Variants in ANK3 observed in about 807,000 individuals in gnomAD.
ANK3 encodes the protein ankyrin 3, also known as ankyrin-3.
Under a neutral mutation model 370.9 loss-of-function variants are expected in ANK3, and 57 were observed. The ratio of observed to expected loss-of-function variants is 0.15; its 90% CI spans 0.12 to 0.19. The LOEUF is 0.19. ANK3 is among the 10% of genes least tolerant of loss of function. ANK3 has a pLI of 1.00. For synonymous variants in ANK3, 1,929 were observed against 1,946.3 expected (o/e 0.99, Z 0.23); for missense variants, 4,439 against 5,302.1 (o/e 0.84, Z 5.06).
At chr10:60,147,005 G>C (rs1243947443) in intron 23 of ANK3, among the ~76,000 whole-genome samples, 1 of 152,162 alleles carries the variant, frequency 6.6e-6, no homozygotes, top group Non-Finnish European at 1.5e-5. Context: ...ATAGTTGATG[G>C]GAACGTTAGT....
chr10:60,527,853 C>G (rs2076510434), intron 2 of ANK3, among the ~76,000 whole-genome samples: 1 of 152,046 alleles, frequency 6.6e-6, no homozygotes, highest in Non-Finnish European at 1.5e-5. Flanking sequence ...AAGATTAGAG[C>G]CCAAATTCCT....
intron 2 of ANK3, among the ~76,000 whole-genome samples, chr10:60,467,219 C>T (rs2065030878): frequency 2.6e-5 from 4 of 152,150 alleles, no homozygotes; most frequent in Admixed American, 2.6e-4. Context: ...CAGCTTACTA[C>T]CCCTATGAAA....
At chr10:60,712,224 G>A (rs1485212598) in intron 1 of ANK3, among the ~76,000 whole-genome samples, 1 of 152,182 alleles carries the variant, frequency 6.6e-6, no homozygotes, top group Admixed American at 6.5e-5. Flanking sequence ...AGTGATTATA[G>A]TTTATTTGGT....
intron 1 of ANK3, among the ~76,000 whole-genome samples, chr10:60,375,602 G>A (rs1420042081): frequency 2.0e-5 from 3 of 152,180 alleles, no homozygotes; most frequent in East Asian, 1.9e-4. Context: ...AGCAGCTGGA[G>A]CTGCACTGGT....
intron 4 of ANK3, among the ~76,000 whole-genome samples, chr10:60,274,777 C>T (rs535889321): frequency 4.6e-5 from 7 of 152,252 alleles, no homozygotes; most frequent in Admixed American, 4.6e-4. Flanking sequence ...CCCTCTTGTG[C>T]TTAAGTTAGT....
rs186563533 is a variant in ANK3 at position 60,091,874 on chromosome 10, G to A, written c.3329-3516C>T. Among the ~76,000 whole-genome samples the A allele has an allele frequency of 1.6e-4, 24 of 152,120 alleles. No individual in the cohort carries two copies. In the East Asian group the frequency reaches 4.7e-3, roughly 30 times the overall value. ...GCCTCCCGAGTAGCTGGGACTACAG[G>A]CATGCGCCACCATGCCCAGCTAATT... On this transcript the variant is annotated intron_variant, in intron 28 of 43. Transcript: ENST00000280772.
chr10:60,657,512 G>T (rs1348030448), intron 1 of ANK3, among the ~76,000 whole-genome samples: 1 of 152,028 alleles, frequency 6.6e-6, no homozygotes, highest in Non-Finnish European at 1.5e-5. Flanking sequence ...TTAATTTCCA[G>T]GTATTTGGGG....
At chr10:60,512,996 A>G (rs1189818577) in intron 2 of ANK3, among the ~76,000 whole-genome samples, 2 of 152,178 alleles carry the variant, frequency 1.3e-5, no homozygotes, top group East Asian at 3.9e-4. Flanking sequence ...TGAATCATGA[A>G]CAACTTTAAT....
chr10:60,489,712 T>C (rs943304922), intron 2 of ANK3, among the ~76,000 whole-genome samples: 4 of 152,204 alleles, frequency 2.6e-5, no homozygotes, highest in African/African-American at 4.8e-5. Context: ...CATATTTGCA[T>C]AATTTTCTTT....
At chr10:60,617,224 TAGAA>T (rs1161714827) in intron 1 of ANK3, among the ~76,000 whole-genome samples, 1 of 152,186 alleles carries the variant, frequency 6.6e-6, no homozygotes, top group Non-Finnish European at 1.5e-5. Flanking sequence ...CTTCTATGCT[TAGAA>T]AGTTCTTCCT....
chr10:60,062,898 T>C, intron 40 of ANK3: 1 of 385,324 alleles, frequency 2.6e-6, no homozygotes, highest in Non-Finnish European at 4.6e-6. Flanking sequence ...TCATACGTCA[T>C]GATTTATATT....
chr10:60,582,599 C>T (rs1268651143), intron 2 of ANK3, among the ~76,000 whole-genome samples: 1 of 151,308 alleles, frequency 6.6e-6, no homozygotes, highest in African/African-American at 2.4e-5. Flanking sequence ...CTATGTGGCT[C>T]TGGACAAGCC....
chr10:60,240,203 CATATATATACACAT>C (rs1214596210), intron 7 of ANK3, among the ~76,000 whole-genome samples: 1 of 135,212 alleles, frequency 7.4e-6, no homozygotes, highest in Non-Finnish European at 1.5e-5. Context: ...TACACACACA[CATATATATACACAT>C]ATATATATAC....
chr10:60,434,558 C>A (rs566211751), intron 2 of ANK3, among the ~76,000 whole-genome samples: 1 of 152,264 alleles, frequency 6.6e-6, no homozygotes, highest in Admixed American at 6.5e-5. Context: ...ATATAGAGAG[C>A]CTTAAATTCT....
intron 7 of ANK3, among the ~76,000 whole-genome samples, chr10:60,257,152 A>G (rs887971239): frequency 7.9e-5 from 12 of 152,250 alleles, no homozygotes; most frequent in African/African-American, 1.2e-4. Flanking sequence ...TAGTTCAAGT[A>G]TCTAAAAACA....
At chr10:60,086,479 C>G in intron 30 of ANK3, 198 bp downstream of exon 30, 1 of 483,928 alleles carries the variant, frequency 2.1e-6, no homozygotes, top group South Asian at 4.5e-5. Flanking sequence ...AGACCAGGAT[C>G]TTGACCAGGA....
chr10:60,650,620 A>G (rs1270894060), intron 1 of ANK3, among the ~76,000 whole-genome samples: 4 of 152,188 alleles, frequency 2.6e-5, no homozygotes, highest in Non-Finnish European at 5.9e-5. Context: ...CTGAAATTTT[A>G]TGGAGGGAAG....
At chr10:60,313,155 C>T (rs2046699813) in intron 1 of ANK3, among the ~76,000 whole-genome samples, 1 of 152,208 alleles carries the variant, frequency 6.6e-6, no homozygotes, top group Admixed American at 6.5e-5. Context: ...CACGTCTAGT[C>T]TGGAAATGGC....
At chr10:60,491,054 T>C (rs1169832369) in intron 2 of ANK3, among the ~76,000 whole-genome samples, 1 of 152,170 alleles carries the variant, frequency 6.6e-6, no homozygotes, top group Non-Finnish European at 1.5e-5. Context: ...TGTATCTGGC[T>C]TTTTTGTTCA....
Sources: gnomAD v4.1 joint callset for allele counts (sites outside exome capture counted in the v4.1 genomes callset) on GRCh38, gnomAD v4.1.1 for gene constraint, MANE v1.5 for transcripts, NCBI Gene and HGNC (gene_info 2026-07-23, HGNC 2026-07-21) for gene names.